Variants in SRSF11 observed in about 807,000 individuals in gnomAD.
The protein encoded by SRSF11 is serine and arginine rich splicing factor 11, also known as serine/arginine-rich splicing factor 11.
A neutral mutation model predicts 56.0 loss-of-function variants in SRSF11; 9 were observed. The observed-to-expected ratio is 0.16, with a 90% CI of 0.10 to 0.28. The LOEUF (loss-of-function observed/expected upper bound fraction) is 0.28, where lower values mean the gene tolerates loss of function less well. SRSF11 is among the 10% of genes least tolerant of loss of function. The probability of loss-of-function intolerance (pLI) is 1.00; values close to 1 mark genes in which losing one functional copy is unlikely to be tolerated. For missense variants in SRSF11, 421 were observed against 600.7 expected, an observed-to-expected ratio of 0.70 and a Z score of 3.13; for synonymous variants, 222 against 215.3, an observed-to-expected ratio of 1.03 and a Z score of -0.27.
At chr1:70,212,587 GTTGT>G (rs1273407588) in intron 1 of SRSF11, among the ~76,000 whole-genome samples, 1 of 152,158 alleles carries the variant, frequency 6.6e-6, no homozygotes, top group African/African-American at 2.4e-5. Context: ...GATAGGTACA[GTTGT>G]TTGTGTCTTT....
At chr1:70,242,875 C>A (rs886655307) in intron 7 of SRSF11, among the ~76,000 whole-genome samples, 1 of 151,992 alleles carries the variant, frequency 6.6e-6, no homozygotes, top group South Asian at 2.1e-4. Flanking sequence ...AGTAATTGCT[C>A]AAGAATACAG....
At position 70,246,855 on chromosome 1, in the gene SRSF11, A is replaced by C; in HGVS notation, c.970A>C (p.Lys324Gln). Residue 324 changes from lysine (K) to glutamine (Q), a missense_variant, in exon 9 of 12, where the codon AAA becomes CAA. By Grantham distance (53) the Lys-to-Gln change is moderately conservative (BLOSUM62 1). Around this residue, in one of 2 missense-constraint regions of SRSF11, gnomAD observed 253 missense variants for 305.8 expected, o/e 0.83. Transcript: ENST00000370949. Reference sequence around the variant, plus strand: ...AGAAGACAAAGAAAAGAAACGTTCTAAAACACCACCAAAAAGTTACAGCAC... The same window carrying C: ...AGAAGACAAAGAAAAGAAACGTTCTCAAACACCACCAAAAAGTTACAGCAC... ...KKEDKEKKRSKTPPKSYSTAR... is the reference protein window; with the variant it reads ...KKEDKEKKRSQTPPKSYSTAR... 6.2e-7 allele frequency: 1 copy of C among 1,611,816 alleles called. No individual in the cohort carries two copies. The highest frequency in any genetic ancestry group is 8.5e-7 in the Non-Finnish European group (1 of 1,178,952).
Position 70,250,765 on chromosome 1 carries a change from G to A in SRSF11, c.1415G>A (p.Gly472Glu), listed in dbSNP as rs1677831410. The change falls in exon 12 of 12, where the codon GGG becomes GAG. Residue 472 changes from glycine to glutamate, a missense_variant. Transcript: ENST00000370949. ...TCACTAAGAGAATCCAAAGTGAATG[G>A]GGATGATCATCATGAAGAAGACATG... Reference protein sequence around the residue: ...GDSLRESKVNGDDHHEEDMDM... With the variant: ...GDSLRESKVNEDDHHEEDMDM... The A allele has an allele frequency of 6.2e-7, 1 of 1,613,972 alleles. No homozygotes were observed. The highest frequency in any genetic ancestry group is 8.5e-7 in the Non-Finnish European group (1 of 1,179,946).
chr1:70,226,199 A>G (rs1479150041), intron 1 of SRSF11, among the ~76,000 whole-genome samples: 1 of 152,142 alleles, frequency 6.6e-6, no homozygotes, highest in Non-Finnish European at 1.5e-5. Context: ...CTCAAAAAAA[A>G]AAAAATTTTA....
intron 7 of SRSF11, among the ~76,000 whole-genome samples, chr1:70,242,093 C>T (rs1675558357): frequency 1.3e-5 from 2 of 151,978 alleles, no homozygotes; most frequent in South Asian, 4.2e-4. Flanking sequence ...CGCTTGAACC[C>T]CGGAGGCGGG....
chr1:70,243,336 CAAAAAAAAAAAAAAAAAAAA>C (rs56098296), intron 7 of SRSF11, among the ~76,000 whole-genome samples: 56 of 32,594 alleles, frequency 1.7e-3, no homozygotes, highest in South Asian at 6.2e-3. Context: ...TGGTTGGTGG[CAAAAAAAAAAAAAAAAAAAA>C]AAAAAAAAAA....
rs72929225 is a variant in SRSF11, at chr1:70,236,249, T to C, written c.590+699T>C. Among the ~76,000 whole-genome samples the C allele has an allele frequency of 3.8e-3, 576 of 152,142 alleles. 2 individuals carry two copies. The highest frequency in any genetic ancestry group is 0.013 in the African/African-American group (547 of 41,554). On this transcript the variant is annotated intron_variant, in intron 5 of 11. Transcript: ENST00000370949. ...ACAGTTGAAGCTTCCTATATACCCATTATTTATTACATTTCCTGTTCTGCC... is the reference window on the plus strand; with the variant it reads ...ACAGTTGAAGCTTCCTATATACCCACTATTTATTACATTTCCTGTTCTGCC...
In SRSF11 at chr1:70,250,708, A is replaced by G. The variant is rs1216224813; in HGVS notation, c.1358A>G (p.Lys453Arg). 2 of 1,613,946 alleles carry G rather than the reference A, an allele frequency of 1.2e-6. No individual in the cohort carries two copies. Among genetic ancestry groups the G allele is most frequent in the Non-Finnish European group, 8.5e-7 (1 of 1,179,974 alleles). The change falls in exon 12 of 12, where the codon AAG becomes AGG. Residue 453 changes from lysine to arginine, a missense_variant. By Grantham distance (26) the Lys-to-Arg change is conservative. Coordinates refer to ENST00000370949, the MANE Select transcript of SRSF11 (RefSeq NM_001350605.2). The stretch of plus-strand genomic sequence containing the variant: ...ATAGAAACAGGTTCCCCTAAAACAA[A>G]GGAATGTTCTGTGGAAAAGGGAACT... ...KPIETGSPKT[K>R]ECSVEKGTGD...
At position 70,251,042 on chromosome 1, in the gene SRSF11, T is replaced by G. The variant is rs1677877479; in HGVS notation, c.*237T>G. On this transcript the variant is annotated 3_prime_UTR_variant, in exon 12 of 12. Transcript: ENST00000370949. Reference sequence around the variant, plus strand: ...TGATTGAGTAACCAAGCAGTTTTACTATTCTGGTGCTGCTTCATAACAAAA... The same window carrying G: ...TGATTGAGTAACCAAGCAGTTTTACGATTCTGGTGCTGCTTCATAACAAAA... The G allele has an allele frequency of 4.5e-6, 2 of 448,366 alleles. No individual in the cohort carries two copies. Among genetic ancestry groups the G allele is most frequent in the South Asian group, 7.1e-5 (2 of 28,138 alleles). 27.8% of individuals were successfully genotyped at this position (448,366 alleles called of 1,614,324 possible).
chr1:70,246,836 C>T lies in SRSF11; in HGVS notation c.951C>T (p.Asp317=). ...TSKTRDKKKE[D]KEKKRSKTPP... ...TTGTTAGAGACAAAAAGAAAGAAGA[C>T]AAAGAAAAGAAACGTTCTAAAACAC... is the stretch of plus-strand genomic sequence containing the variant. Residue 317 remains aspartate, a synonymous_variant, in exon 9 of 12, where the codon GAC becomes GAT. Transcript: ENST00000370949. 6.2e-7 allele frequency: 1 copy of T among 1,608,602 alleles called. No individual in the cohort carries two copies. Among genetic ancestry groups the T allele is most frequent in the South Asian group, 1.1e-5 (1 of 89,852 alleles).
At chr1:70,237,635 C>A (rs996703809) in intron 6 of SRSF11, 83 bp downstream of exon 6, 133 of 1,546,142 alleles carry the variant, frequency 8.6e-5, no homozygotes, top group Non-Finnish European at 1.1e-4. Context: ...TTGAGTGACA[C>A]CCTAGTCGTT....
At chr1:70,225,457 G>C (rs1014808890) in intron 1 of SRSF11, among the ~76,000 whole-genome samples, 9 of 152,106 alleles carry the variant, frequency 5.9e-5, no homozygotes, top group Admixed American at 5.9e-4. Flanking sequence ...CTCCTTTTGT[G>C]GGTTGGCGAT....
rs528266401 is a variant in SRSF11, at chr1:70,211,045, A to G, written c.-26+5265A>G. Among the ~76,000 whole-genome samples the G allele has an allele frequency of 2.0e-5, 3 of 152,216 alleles. No individual in the cohort carries two copies. In the East Asian group the frequency reaches 5.8e-4, roughly 29 times the overall value. On this transcript the variant is annotated intron_variant, in intron 1 of 12. Transcript: ENST00000370950. ...CTTAAATCAGCTGGAAGTGTTTCCT[A>G]TTATTCACAGTGATTATTACTCATA...
At chr1:70,234,385 T>A (rs969427803) in intron 3 of SRSF11, among the ~76,000 whole-genome samples, 2 of 152,230 alleles carry the variant, frequency 1.3e-5, no homozygotes, top group Non-Finnish European at 2.9e-5. Flanking sequence ...TTTGTCTTTT[T>A]TTCTTAATCT....
chr1:70,245,334 A>G (rs999282558), intron 8 of SRSF11, among the ~76,000 whole-genome samples: 1 of 152,208 alleles, frequency 6.6e-6, no homozygotes, highest in Non-Finnish European at 1.5e-5. Flanking sequence ...TCATTAAAGT[A>G]AGTACAGCTG....
intron 1 of SRSF11, among the ~76,000 whole-genome samples, chr1:70,209,406 G>C (rs979218443): frequency 1.3e-5 from 2 of 152,132 alleles, no homozygotes; most frequent in Admixed American, 6.5e-5. Context: ...AACAAATTTA[G>C]CCTATTTTGA....
chr1:70,232,362 T>A lies in SRSF11; in HGVS notation c.432T>A (p.Pro144=). 1 of 1,613,486 alleles carries A rather than the reference T, an allele frequency of 6.2e-7. No homozygotes were observed. ...CTGGTGGTGGACTCCTGCCTACTCC[T>A]AACCCACTTACCCAGGTACTAGTTC... ...LLPGGGLLPT[P]NPLTQIGAVP... is the part of the protein sequence containing the mutation. Residue 144 remains proline, a synonymous_variant, in exon 3 of 12, where the codon CCT becomes CCA. Coordinates refer to ENST00000370949, the MANE Select transcript of SRSF11 (RefSeq NM_001350605.2).
chr1:70,216,000 C>G (rs1487071343), intron 1 of SRSF11, among the ~76,000 whole-genome samples: 3 of 152,136 alleles, frequency 2.0e-5, no homozygotes, highest in Non-Finnish European at 4.4e-5. Context: ...TGGTCAGGCT[C>G]ATCTCGAACC....
At chr1:70,231,593 C>G in intron 2 of SRSF11, 1 of 1,127,896 alleles carries the variant, frequency 8.9e-7, no homozygotes, top group Non-Finnish European at 1.1e-6. Flanking sequence ...GTTGTTTTAC[C>G]TATCTCTCTT....
Sources: gnomAD v4.1 joint callset for allele counts (sites outside exome capture counted in the v4.1 genomes callset) on GRCh38, gnomAD v4.1.1 for gene constraint, gnomAD v4.1.1 regional missense constraint, MANE v1.5 for transcripts, NCBI Gene and HGNC (gene_info 2026-07-23, HGNC 2026-07-21) for gene names.